Variants in UCHL5 observed in about 807,000 individuals in gnomAD.
UCHL5 encodes ubiquitin carboxyl-terminal hydrolase isozyme L5.
UCHL5 carries 34 observed loss-of-function variants against 53.8 expected under a neutral mutation model. That is an observed-to-expected ratio of 0.63 (90% CI 0.48 to 0.84). The LOEUF (loss-of-function observed/expected upper bound fraction) is 0.84, where lower values mean the gene tolerates loss of function less well. Among genes scored for constraint, UCHL5 ranks in the 40% least tolerant of loss-of-function variants. The probability of loss-of-function intolerance (pLI) is 0.00; values close to 1 mark genes in which losing one functional copy is unlikely to be tolerated. For synonymous variants in UCHL5, 111 were observed against 126.3 expected (o/e 0.88, Z 0.81); for missense variants, 290 against 385.6 (o/e 0.75, Z 2.08).
At chr1:193,051,208 G>C (rs1435560726) in intron 2 of UCHL5, among the ~76,000 whole-genome samples, 1 of 152,054 alleles carries the variant, frequency 6.6e-6, no homozygotes, top group Non-Finnish European at 1.5e-5. Flanking sequence ...AATGTTTGAG[G>C]GCATGGTAGT....
At chr1:193,020,159 G>A in intron 10 of UCHL5, 1 of 1,305,304 alleles carries the variant, frequency 7.7e-7, no homozygotes, top group Non-Finnish European at 9.8e-7. Flanking sequence ...CTAAAAGTTG[G>A]GTCACATGTT....
intron 3 of UCHL5, among the ~76,000 whole-genome samples, chr1:193,041,693 A>T (rs1310259192): frequency 6.6e-6 from 1 of 152,246 alleles, no homozygotes; most frequent in African/African-American, 2.4e-5. Context: ...CAGTAACTCA[A>T]ATTGAAAACC....
rs1205145113 is a variant in UCHL5 at position 193,013,927 on chromosome 1, G to GTAGC, written c.*2420_*2423dup. On this transcript the variant is annotated 3_prime_UTR_variant, in exon 11 of 11. Transcript: ENST00000367454. ...TGGGAACTAAACATATAAGGTGAGA[G>GTAGC]TAGCCAGTGCCGCAGCTGTTGGCAA... The GTAGC allele has an allele frequency of 1.3e-5, 2 of 152,150 alleles. No individual in the cohort carries two copies. Among genetic ancestry groups the GTAGC allele is most frequent in the African/African-American group, 4.8e-5 (2 of 41,432 alleles). 9.4% of individuals were successfully genotyped at this position (152,150 alleles called of 1,614,324 possible).
chr1:193,021,640 AAACT>A, intron 9 of UCHL5, among the ~76,000 whole-genome samples: 1 of 152,314 alleles, frequency 6.6e-6, no homozygotes, highest in Admixed American at 6.5e-5. Flanking sequence ...CTTCAGTGGA[AAACT>A]ATGCACTGTC....
intron 3 of UCHL5, among the ~76,000 whole-genome samples, chr1:193,044,283 A>G (rs1666675702): frequency 6.6e-6 from 1 of 152,186 alleles, no homozygotes; most frequent in African/African-American, 2.4e-5. Flanking sequence ...TCCAAGCACC[A>G]CAGTATCTGG....
chr1:193,028,210 CA>C, intron 6 of UCHL5, 62 bp from the exon 7 acceptor site: 2 of 1,399,242 alleles, frequency 1.4e-6, no homozygotes. Context: ...CTTTAAAATG[CA>C]AAAGTTTGGC....
intron 10 of UCHL5, among the ~76,000 whole-genome samples, chr1:193,020,653 A>G (rs958720241): frequency 6.6e-6 from 1 of 151,986 alleles, no homozygotes; most frequent in Non-Finnish European, 1.5e-5. Flanking sequence ...CCTCAGTGGA[A>G]TGGATACTAA....
chr1:193,016,505 T>C, intron 10 of UCHL5, 110 bp from the exon 11 acceptor site: 2 of 958,894 alleles, frequency 2.1e-6, no homozygotes, highest in Non-Finnish European at 3.0e-6. Flanking sequence ...TGAAATACAT[T>C]GTTTATAAGA....
At chr1:193,054,819 C>T (rs1670112437) in intron 1 of UCHL5, among the ~76,000 whole-genome samples, 1 of 152,160 alleles carries the variant, frequency 6.6e-6, no homozygotes, top group Non-Finnish European at 1.5e-5. Flanking sequence ...TTCAAATCTG[C>T]CCTAACTTAC....
intron 9 of UCHL5, 45 bp downstream of exon 9, chr1:193,022,881 T>C: frequency 7.7e-7 from 1 of 1,305,152 alleles, no homozygotes. Flanking sequence ...TGAAATATAC[T>C]GCTCTATATT....
At chr1:193,030,378 A>C (rs1001278344) in intron 3 of UCHL5, among the ~76,000 whole-genome samples, 1 of 152,228 alleles carries the variant, frequency 6.6e-6, no homozygotes, top group African/African-American at 2.4e-5. Flanking sequence ...GTAGAAGCTG[A>C]GGCACAAAGA....
chr1:193,054,233 C>A lies in UCHL5; in HGVS notation c.77-2416G>T, dbSNP rs189457805. On this transcript the variant is annotated intron_variant, in intron 1 of 10. Coordinates refer to ENST00000367454, the MANE Select transcript of UCHL5 (RefSeq NM_001199261.3). ...CAAAAATAACTGTCTTAAAAATCAA[C>A]CTGGAGCCCCAAGAAAAACACTCGT... Among the ~76,000 whole-genome samples, 569 of 152,294 alleles carry A rather than the reference C, an allele frequency of 3.7e-3. 3 individuals carry two copies. Among genetic ancestry groups the A allele is most frequent in the African/African-American group, 0.013 (551 of 41,552 alleles).
chr1:193,048,491 C>T (rs1397375342), intron 3 of UCHL5, among the ~76,000 whole-genome samples: 1 of 152,112 alleles, frequency 6.6e-6, no homozygotes, highest in Admixed American at 6.5e-5. Flanking sequence ...GCAACATAAT[C>T]CAAAGGATTT....
At position 193,014,789 on chromosome 1, in the gene UCHL5, T is replaced by G. The variant is rs1236967271; in HGVS notation, c.*1562A>C. 1 of 152,130 alleles carries G rather than the reference T, an allele frequency of 6.6e-6. No homozygotes were observed. Among genetic ancestry groups the G allele is most frequent in the African/African-American group, 2.4e-5 (1 of 41,456 alleles). The allele number at this position is 152,130 out of a possible 1,614,324, so 9.4% of individuals were successfully genotyped here. A position where few individuals can be genotyped will look rare whatever the true frequency, so the allele number is the denominator to read the frequency against. On this transcript the variant is annotated 3_prime_UTR_variant, in exon 11 of 11. Coordinates refer to ENST00000367454, the MANE Select transcript of UCHL5 (RefSeq NM_001199261.3). Reference sequence around the variant, plus strand: ...TCTGTTTTCAGGCTCTCTCTTCTGTTCCATTGCTTTATTTGTCAATCCTAG... The same window carrying G: ...TCTGTTTTCAGGCTCTCTCTTCTGTGCCATTGCTTTATTTGTCAATCCTAG...
intron 10 of UCHL5, among the ~76,000 whole-genome samples, chr1:193,018,114 T>C (rs1310414625): frequency 6.6e-6 from 1 of 151,568 alleles, no homozygotes; most frequent in African/African-American, 2.4e-5. Context: ...TAGATATTGT[T>C]GTGATTAGCC....
rs1369113725 is a variant in UCHL5, at chr1:193,023,839, C to T, written c.732+5G>A. ...AACTTTGTACTTAGAAACATGGCCA[C>T]GAACCTCTGCAAGTTGTCTTTGTAA... On this transcript the variant is annotated splice_donor_5th_base_variant and intron_variant, in intron 8 of 10. Transcript: ENST00000367454. 2.5e-6 allele frequency: 4 copies of T among 1,608,322 alleles called. No homozygotes were observed. Among genetic ancestry groups the T allele is most frequent in the South Asian group, 1.1e-5 (1 of 90,314 alleles).
chr1:193,037,913 TC>T (rs1664129520), intron 3 of UCHL5, among the ~76,000 whole-genome samples: 1 of 115,510 alleles, frequency 8.7e-6, no homozygotes, highest in Non-Finnish European at 1.8e-5. Flanking sequence ...AAAAAAAAGG[TC>T]ATTTACCTTG....
At chr1:193,060,045 G>C (rs747916253), upstream of UCHL5, 9 of 1,340,744 alleles carry the variant, frequency 6.7e-6, no homozygotes, top group East Asian at 3.7e-4. Context: ...CCTGCTTGTC[G>C]GCATCGCTCC....
At chr1:193,046,552 C>T (rs1467813361) in intron 3 of UCHL5, among the ~76,000 whole-genome samples, 2 of 151,450 alleles carry the variant, frequency 1.3e-5, no homozygotes, top group Non-Finnish European at 2.9e-5. Flanking sequence ...CTCTAGGACT[C>T]GGTTTCCACA....
Sources: gnomAD v4.1 joint callset for allele counts (sites outside exome capture counted in the v4.1 genomes callset) on GRCh38, gnomAD v4.1.1 for gene constraint, MANE v1.5 for transcripts, NCBI Gene and HGNC (gene_info 2026-07-23, HGNC 2026-07-21) for gene names.